CFAP300: variants seen among roughly 807,000 people sequenced by gnomAD.
CFAP300 encodes cilia- and flagella-associated protein 300.
Under a neutral mutation model 33.0 loss-of-function variants are expected in CFAP300, and 32 were observed. That is an observed-to-expected ratio of 0.97 (90% CI 0.73 to 1.30). CFAP300 has a LOEUF of 1.30. CFAP300 is among the 50% of genes most tolerant of loss of function. The pLI, the probability that CFAP300 is intolerant of heterozygous loss-of-function variation, is 0.00. For synonymous variants in CFAP300, 102 were observed against 106.8 expected (o/e 0.95, Z 0.28); for missense variants, 356 against 318.1 (o/e 1.12, Z -0.90).
In CFAP300 at chr11:102,067,281, C is replaced by G. The variant is rs199574446; in HGVS notation, c.435+630C>G. Among the ~76,000 whole-genome samples the G allele has an allele frequency of 2.6e-5, 4 of 152,300 alleles. No homozygotes were observed. In the East Asian group the frequency reaches 5.8e-4, roughly 22 times the overall value. Reference sequence around the variant, plus strand: ...GAAGGCTGAAGTGAGAAGATTGAGTCTGGGAAGTCAAGGCTGCAATGAGCT... The same window carrying G: ...GAAGGCTGAAGTGAGAAGATTGAGTGTGGGAAGTCAAGGCTGCAATGAGCT... On this transcript the variant is annotated intron_variant, in intron 4 of 6. Transcript: ENST00000434758.
At chr11:102,048,913 T>G (rs879702352) in intron 2 of CFAP300, among the ~76,000 whole-genome samples, 4 of 152,176 alleles carry the variant, frequency 2.6e-5, no homozygotes, top group Non-Finnish European at 5.9e-5. Context: ...AGTTTATAGT[T>G]TGGCATAACA....
intron 2 of CFAP300, among the ~76,000 whole-genome samples, chr11:102,054,664 G>A (rs1942022627): frequency 6.7e-6 from 1 of 149,936 alleles, no homozygotes; most frequent in Non-Finnish European, 1.5e-5. Flanking sequence ...AGGAGGTGGA[G>A]GCTGCAGTGA....
intron 3 of CFAP300, among the ~76,000 whole-genome samples, chr11:102,059,812 C>A (rs1184993629): frequency 2.9e-5 from 4 of 138,992 alleles, no homozygotes; most frequent in African/African-American, 1.1e-4. Flanking sequence ...AACCACAGGA[C>A]TTTTTTTTTT....
intron 3 of CFAP300, among the ~76,000 whole-genome samples, chr11:102,066,045 C>G (rs1942220419): frequency 6.6e-6 from 1 of 151,236 alleles, no homozygotes; most frequent in Non-Finnish European, 1.5e-5. Flanking sequence ...GCAACCTCTG[C>G]CCACCAGGTT....
At chr11:102,073,046 C>T (rs1038187251) in intron 4 of CFAP300, among the ~76,000 whole-genome samples, 1 of 152,124 alleles carries the variant, frequency 6.6e-6, no homozygotes, top group Non-Finnish European at 1.5e-5. Context: ...TGTCCTTGGG[C>T]CCCTGAGCAG....
chr11:102,068,170 A>G (rs1942256757), intron 4 of CFAP300, among the ~76,000 whole-genome samples: 1 of 152,074 alleles, frequency 6.6e-6, no homozygotes, highest in Non-Finnish European at 1.5e-5. Context: ...CAAAATATTA[A>G]CAACTACTAT....
At chr11:102,082,693 T>C (rs1333020424) in intron 6 of CFAP300, among the ~76,000 whole-genome samples, 1 of 152,152 alleles carries the variant, frequency 6.6e-6, no homozygotes, top group African/African-American at 2.4e-5. Flanking sequence ...TTAAATGTAG[T>C]TGTATACTAA....
At chr11:102,052,660 A>G (rs1941988648) in intron 2 of CFAP300, among the ~76,000 whole-genome samples, 1 of 152,178 alleles carries the variant, frequency 6.6e-6, no homozygotes, top group African/African-American at 2.4e-5. Flanking sequence ...GTTAAATAGC[A>G]TTTATTAAAT....
At chr11:102,064,352 G>T (rs575291658) in intron 3 of CFAP300, among the ~76,000 whole-genome samples, 1 of 152,088 alleles carries the variant, frequency 6.6e-6, no homozygotes, top group East Asian at 1.9e-4. Flanking sequence ...TTGTTTTTTT[G>T]GACTTTCAAC....
chr11:102,047,841 A>G lies in CFAP300; in HGVS notation c.137A>G (p.Gln46Arg). ...TCCATGCTGGGCAGAATCAAGGCGC[A>G]GGCGTTCGGCTTTGACCAGACCTTT... ...QWSMLGRIKA[Q>R]AFGFDQTFQS... Residue 46 changes from glutamine to arginine, a missense_variant, in exon 2 of 7, where the codon CAG (glutamine) becomes CGG (arginine). By Grantham distance (43) the Gln-to-Arg change is conservative. Transcript: ENST00000434758. The G allele has an allele frequency of 6.2e-7, 1 of 1,614,196 alleles. No homozygotes were observed. The highest frequency in any genetic ancestry group is 8.5e-7 in the Non-Finnish European group (1 of 1,180,032).
At chr11:102,050,101 G>A (rs1941947043) in intron 2 of CFAP300, among the ~76,000 whole-genome samples, 1 of 152,064 alleles carries the variant, frequency 6.6e-6, no homozygotes. Context: ...CTGCACCATA[G>A]CCTGGGTGAC....
At chr11:102,077,163 G>A (rs1028832499) in intron 5 of CFAP300, among the ~76,000 whole-genome samples, 6 of 152,020 alleles carry the variant, frequency 3.9e-5, no homozygotes, top group Admixed American at 6.6e-5. Context: ...TACCCCATCC[G>A]CCACATGAAC....
intron 2 of CFAP300, among the ~76,000 whole-genome samples, chr11:102,052,707 C>G (rs1396229009): frequency 1.3e-5 from 2 of 152,018 alleles, no homozygotes; most frequent in African/African-American, 4.8e-5. Flanking sequence ...AGTCATCTTC[C>G]TTCTCCATTT....
intron 2 of CFAP300, among the ~76,000 whole-genome samples, chr11:102,049,663 T>C (rs906510499): frequency 6.6e-6 from 1 of 152,168 alleles, no homozygotes; most frequent in African/African-American, 2.4e-5. Context: ...TGGCTGTCTA[T>C]AATTTTTTTT....
At position 102,083,707 on chromosome 11, in the gene CFAP300, T is replaced by C. The variant is rs768499932; in HGVS notation, c.*508T>C. 1 of 152,268 alleles carries C rather than the reference T, an allele frequency of 6.6e-6. No homozygotes were observed. The highest frequency in any genetic ancestry group is 1.5e-5 in the Non-Finnish European group (1 of 68,056). The allele number at this position is 152,268 out of a possible 1,614,324, so 9.4% of individuals were successfully genotyped here. A position where few individuals can be genotyped will look rare whatever the true frequency, so the allele number is the denominator to read the frequency against. On this transcript the variant is annotated 3_prime_UTR_variant, in exon 7 of 7. Transcript: ENST00000434758. ...TCTTTTGCTTCATTTGTTCCACTTA[T>C]AAGCCTCAGTAAAGAAGTAACGTTC... is the stretch of plus-strand genomic sequence containing the variant.
intron 2 of CFAP300, among the ~76,000 whole-genome samples, chr11:102,051,461 A>G (rs1215414300): frequency 2.6e-5 from 4 of 152,188 alleles, no homozygotes; most frequent in African/African-American, 7.2e-5. Context: ...CCCACATCCC[A>G]GGGAGGCTGG....
At chr11:102,050,384 A>G (rs1412016237) in intron 2 of CFAP300, among the ~76,000 whole-genome samples, 1 of 152,210 alleles carries the variant, frequency 6.6e-6, no homozygotes, top group Non-Finnish European at 1.5e-5. Flanking sequence ...TGTTTCTACA[A>G]CAAAAACTCA....
At chr11:102,049,674 A>T (rs1450387158) in intron 2 of CFAP300, among the ~76,000 whole-genome samples, 1 of 152,124 alleles carries the variant, frequency 6.6e-6, no homozygotes, top group East Asian at 1.9e-4. Flanking sequence ...AATTTTTTTT[A>T]AAGATCAGGA....
At chr11:102,054,054 A>G (rs2135014808) in intron 2 of CFAP300, among the ~76,000 whole-genome samples, 1 of 152,290 alleles carries the variant, frequency 6.6e-6, no homozygotes, top group Non-Finnish European at 1.5e-5. Context: ...TGGTTGTTAC[A>G]CTGTTGGCAA....
Sources: allele counts gnomAD v4.1 joint callset (sites outside exome capture counted in the v4.1 genomes callset), GRCh38; gene constraint gnomAD v4.1.1; transcripts MANE v1.5; gene names NCBI Gene and HGNC (gene_info 2026-07-23, HGNC 2026-07-21).